FMN2: variants seen among roughly 807,000 people sequenced by gnomAD.
FMN2 encodes formin-2.
FMN2 carries 51 observed loss-of-function variants against 142.3 expected under a neutral mutation model. The ratio of observed to expected loss-of-function variants is 0.36; its 90% confidence interval spans 0.29 to 0.45. The LOEUF (loss-of-function observed/expected upper bound fraction) is 0.45. Ranked by LOEUF, FMN2 falls within the 20% of genes least tolerant of loss-of-function variation. The pLI is 1.00. For synonymous variants in FMN2, 882 were observed against 869.8 expected, an observed-to-expected ratio of 1.01 and a Z score of -0.25; for missense variants, 1,936 against 2,122.8, an observed-to-expected ratio of 0.91 and a Z score of 1.73.
At chr1:240,232,265 T>C (rs1189807500) in intron 6 of FMN2, among the ~76,000 whole-genome samples, 1 of 89,134 alleles carries the variant, frequency 1.1e-5, no homozygotes, top group Non-Finnish European at 2.4e-5. Flanking sequence ...TTTTTTTTTT[T>C]TTTTTAAGTA....
At chr1:240,134,864 A>G (rs1470795425) in intron 2 of FMN2, among the ~76,000 whole-genome samples, 2 of 152,136 alleles carry the variant, frequency 1.3e-5, no homozygotes, top group African/African-American at 2.4e-5. Context: ...ATGCCCCCAC[A>G]TCTTTCTGGA....
At chr1:240,327,636 G>T (rs139561680) in intron 8 of FMN2, among the ~76,000 whole-genome samples, 43 of 152,032 alleles carry the variant, frequency 2.8e-4, no homozygotes, top group Non-Finnish European at 1.5e-5. Context: ...ATAAAGACAG[G>T]ACTACAAATA....
chr1:240,460,710 A>C (rs541680038), intron 16 of FMN2, among the ~76,000 whole-genome samples: 1 of 129,424 alleles, frequency 7.7e-6, no homozygotes, highest in South Asian at 2.4e-4. Context: ...ATATATTGAT[A>C]TAAGCAAGAA....
intron 13 of FMN2, among the ~76,000 whole-genome samples, chr1:240,342,417 G>A (rs143429760): frequency 0.011 from 1,623 of 152,270 alleles, 13 homozygotes; most frequent in South Asian, 0.024. Flanking sequence ...ATGTGCTGTA[G>A]TTTAGTGAGT....
chr1:240,155,655 G>C (rs1447758015), intron 2 of FMN2, among the ~76,000 whole-genome samples: 1 of 152,122 alleles, frequency 6.6e-6, no homozygotes, highest in African/African-American at 2.4e-5. Context: ...AGACATATCT[G>C]AGATGGAAAT....
intron 16 of FMN2, among the ~76,000 whole-genome samples, chr1:240,439,687 A>G (rs930675022): frequency 6.6e-5 from 10 of 152,224 alleles, no homozygotes; most frequent in African/African-American, 2.4e-4. Context: ...CAGTTACATT[A>G]TATGCAGGTG....
chr1:240,296,438 CTTTT>C (rs772711130), intron 8 of FMN2, among the ~76,000 whole-genome samples: 4 of 46,910 alleles, frequency 8.5e-5, no homozygotes, highest in East Asian at 1.6e-3. Context: ...TCTTTGAGTG[CTTTT>C]TTTTTTTTTT....
chr1:240,168,609 C>A (rs79070736), intron 2 of FMN2, among the ~76,000 whole-genome samples: 1 of 152,034 alleles, frequency 6.6e-6, no homozygotes, highest in Admixed American at 6.6e-5. Context: ...TAAATAAATA[C>A]GGCCTTTTTG....
intron 13 of FMN2, among the ~76,000 whole-genome samples, chr1:240,343,462 T>C (rs1367732344): frequency 6.6e-6 from 1 of 151,966 alleles, no homozygotes; most frequent in Admixed American, 6.6e-5. Flanking sequence ...CCTTTTGGGG[T>C]TCACTGCGCA....
At chr1:240,447,963 C>T (rs548145342) in intron 16 of FMN2, among the ~76,000 whole-genome samples, 2 of 152,166 alleles carry the variant, frequency 1.3e-5, no homozygotes. Context: ...TGAGAGTGGA[C>T]CACAGTTGAA....
chr1:240,182,919 CTTTT>C (rs66527453), intron 3 of FMN2, among the ~76,000 whole-genome samples: 4 of 138,342 alleles, frequency 2.9e-5, no homozygotes, highest in Admixed American at 7.3e-5. Context: ...CTTTTCTTTT[CTTTT>C]TTTTTTTTTT....
intron 16 of FMN2, among the ~76,000 whole-genome samples, chr1:240,446,800 A>G (rs1558111707): frequency 6.6e-6 from 1 of 152,124 alleles, no homozygotes; most frequent in Non-Finnish European, 1.5e-5. Flanking sequence ...AGGCTTCCCC[A>G]TGGCTCAGTC....
chr1:240,230,489 T>G (rs1204039119), intron 6 of FMN2, among the ~76,000 whole-genome samples: 2 of 132,296 alleles, frequency 1.5e-5, no homozygotes, highest in Non-Finnish European at 3.2e-5. Context: ...CAGAGAGCCA[T>G]AAAAAAATTT....
At chr1:240,100,282 A>G (rs1661370279) in intron 1 of FMN2, among the ~76,000 whole-genome samples, 1 of 152,228 alleles carries the variant, frequency 6.6e-6, no homozygotes, top group Non-Finnish European at 1.5e-5. Flanking sequence ...TTGTAATGAA[A>G]GAAGAGGTAA....
chr1:240,143,531 C>A (rs1386845405), intron 2 of FMN2: 4 of 1,591,722 alleles, frequency 2.5e-6, no homozygotes, highest in Non-Finnish European at 3.4e-6. Flanking sequence ...TCAAAGTGTT[C>A]GCTGCAAACG....
chr1:240,178,113 TAGAG>T lies in FMN2; in HGVS notation c.1930+53_1930+56del, dbSNP rs747037595. ...TCAGAGATAACTGGAAGAGGCAAGATAGAGAGAGAGAAGTTTTATTAAATCTTAG... is the reference window on the plus strand; with the variant it reads ...TCAGAGATAACTGGAAGAGGCAAGATAGAGAGAAGTTTTATTAAATCTTAG... On this transcript the variant is annotated intron_variant, in intron 3 of 17. Transcript: ENST00000319653. 3.7e-5 allele frequency: 54 copies of T among 1,463,022 alleles called. No individual in the cohort carries two copies. In the Middle Eastern group the frequency reaches 5.5e-4, roughly 15 times the overall value. 90.6% of individuals were successfully genotyped at this position (1,463,022 alleles called of 1,614,324 possible). A position where few individuals can be genotyped will look rare whatever the true frequency, so the allele number is the denominator to read the frequency against.
chr1:240,303,331 C>A (rs139315744), intron 8 of FMN2, among the ~76,000 whole-genome samples: 231 of 152,298 alleles, frequency 1.5e-3, no homozygotes, highest in African/African-American at 5.4e-3. Flanking sequence ...TTGAGCATTT[C>A]TTGTGGTACA....
In FMN2 at chr1:240,091,999, C is replaced by A. The variant is rs569874017; in HGVS notation, c.-111C>A. ...CGGCCTCCCCTCCCAGCGGCTCCCC[C>A]CGCCGCCGCCTGACTCTCCCGGGAG... is the stretch of plus-strand genomic sequence containing the variant. On this transcript the variant is annotated 5_prime_UTR_variant, in exon 1 of 18. Transcript: ENST00000319653. 806 of 1,379,222 alleles carry A rather than the reference C, an allele frequency of 5.8e-4. No homozygotes were observed. Among genetic ancestry groups the A allele is most frequent in the Non-Finnish European group, 7.1e-4 (762 of 1,075,252 alleles). The allele number at this position is 1,379,222 out of a possible 1,614,324, so 85.4% of individuals were successfully genotyped here.
chr1:240,143,132 C>T (rs960221779), intron 2 of FMN2: 123 of 1,567,422 alleles, frequency 7.8e-5, no homozygotes, highest in Admixed American at 2.2e-4. Context: ...CGTTGGGGTC[C>T]TTGGCATGAT....
Sources: allele counts gnomAD v4.1 joint callset (sites outside exome capture counted in the v4.1 genomes callset), GRCh38; gene constraint gnomAD v4.1.1; transcripts MANE v1.5; gene names NCBI Gene and HGNC (gene_info 2026-07-23, HGNC 2026-07-21).